The following STIM1 variants were observed in gnomAD, a reference collection of about 807,000 sequenced individuals.
The protein encoded by STIM1 is stromal interaction molecule 1.
STIM1 carries 25 observed loss-of-function variants against 74.7 expected under a neutral mutation model. The observed-to-expected ratio is 0.33, with a 90% CI of 0.24 to 0.47. The LOEUF (loss-of-function observed/expected upper bound fraction) is 0.47. Ranked by LOEUF, STIM1 falls within the 20% of genes least tolerant of loss-of-function variation. The probability of loss-of-function intolerance (pLI) is 1.00; values close to 1 mark genes in which losing one functional copy is unlikely to be tolerated. For synonymous variants in STIM1, 328 were observed against 348.8 expected (o/e 0.94, Z 0.66); for missense variants, 728 against 920.8 (o/e 0.79, Z 2.71).
At chr11:3,905,129 G>C (rs1299049946) in intron 1 of STIM1, among the ~76,000 whole-genome samples, 1 of 152,032 alleles carries the variant, frequency 6.6e-6, no homozygotes, top group Non-Finnish European at 1.5e-5. Context: ...GAAAGCAATA[G>C]TGTCTGTTGC....
intron 1 of STIM1, among the ~76,000 whole-genome samples, chr11:3,866,532 T>C (rs1203743988): frequency 6.6e-6 from 1 of 151,856 alleles, no homozygotes; most frequent in Non-Finnish European, 1.5e-5. Flanking sequence ...GTTCCGGTGA[T>C]TCTCCTGCAT....
At chr11:3,891,485 A>C (rs1420934452) in intron 1 of STIM1, among the ~76,000 whole-genome samples, 1 of 152,024 alleles carries the variant, frequency 6.6e-6, no homozygotes, top group African/African-American at 2.4e-5. Flanking sequence ...GGGTTTCAAC[A>C]TGTTGGCCAG....
intron 1 of STIM1, among the ~76,000 whole-genome samples, chr11:3,930,905 A>G (rs2092851740): frequency 1.3e-5 from 2 of 152,200 alleles, no homozygotes; most frequent in African/African-American, 2.4e-5. Flanking sequence ...CATGTATTCA[A>G]TCATTCTTTT....
chr11:3,932,312 G>T (rs2135564711), intron 1 of STIM1, among the ~76,000 whole-genome samples: 1 of 152,296 alleles, frequency 6.6e-6, no homozygotes, highest in African/African-American at 2.4e-5. Flanking sequence ...GGCCTTTGGT[G>T]GGTGATTAGG....
chr11:4,091,175 C>A, intron 12 of STIM1, 107 bp from the exon 13 acceptor site: 1 of 1,519,032 alleles, frequency 6.6e-7, no homozygotes, highest in African/African-American at 1.4e-5. Context: ...CCCCATTTTC[C>A]TACCCTGTCC....
chr11:3,928,238 T>C (rs551265371), intron 1 of STIM1, among the ~76,000 whole-genome samples: 1 of 152,174 alleles, frequency 6.6e-6, no homozygotes, highest in African/African-American at 2.4e-5. Context: ...TTTTTTTTTT[T>C]TTTTTGAGAC....
Position 4,070,191 on chromosome 11 carries a change from ACCTTCAGGAAAGGTAAGGCCTGCC to A in STIM1, c.791+3_791+26del, listed in dbSNP as rs763078838. On this transcript the variant is annotated splice_donor_variant and splice_donor_5th_base_variant and coding_sequence_variant and intron_variant, in exon 6 of 13. Coordinates refer to ENST00000526596, the MANE Select transcript of STIM1 (RefSeq NM_001382567.1). LOFTEE classifies it high-confidence loss of function. ...CACCGAGCTGAGCAGAGTCTGCATG[ACCTTCAGGAAAGGTAAGGCCTGCC>A]CCTTCAGGAAAGGTGAGGCCCTGCC... is the stretch of plus-strand genomic sequence containing the variant. 6.2e-7 allele frequency: 1 copy of A among 1,614,000 alleles called. No homozygotes were observed. Among genetic ancestry groups the A allele is most frequent in the South Asian group, 1.1e-5 (1 of 91,074 alleles).
At chr11:4,028,492 T>G (rs2094018098) in intron 3 of STIM1, among the ~76,000 whole-genome samples, 1 of 150,370 alleles carries the variant, frequency 6.7e-6, no homozygotes, top group South Asian at 2.1e-4. Context: ...CACTGCAACC[T>G]CTGCCTTCCA....
chr11:4,072,796 A>G (rs1213290777), intron 6 of STIM1, among the ~76,000 whole-genome samples: 1 of 152,212 alleles, frequency 6.6e-6, no homozygotes, highest in Non-Finnish European at 1.5e-5. Context: ...GTCATGGAAG[A>G]GTACAGTAAA....
intron 7 of STIM1, among the ~76,000 whole-genome samples, chr11:4,079,176 A>G (rs1590694825): frequency 6.6e-6 from 1 of 152,064 alleles, no homozygotes; most frequent in African/African-American, 2.4e-5. Flanking sequence ...CTGTAATCCC[A>G]GCTACTTGGG....
At chr11:4,079,539 A>T (rs2094454300) in intron 7 of STIM1, among the ~76,000 whole-genome samples, 3 of 152,002 alleles carry the variant, frequency 2.0e-5, no homozygotes, top group African/African-American at 7.3e-5. Context: ...ACATCACTGC[A>T]CTCCAGCCTG....
At chr11:3,922,668 C>T (rs567193208) in intron 1 of STIM1, 40 of 193,252 alleles carry the variant, frequency 2.1e-4, no homozygotes, top group African/African-American at 8.2e-4. Flanking sequence ...CCAGCTTGCT[C>T]GGTAGCTGGT....
chr11:4,086,593 C>T (rs199985119), intron 12 of STIM1, 50 bp downstream of exon 12: 22 of 1,610,848 alleles, frequency 1.4e-5, no homozygotes, highest in South Asian at 7.7e-5. Flanking sequence ...GGTATCTCTG[C>T]GGCGAATGCG....
intron 2 of STIM1, among the ~76,000 whole-genome samples, chr11:3,976,957 G>A (rs1264098849): frequency 6.6e-6 from 1 of 152,062 alleles, no homozygotes; most frequent in Non-Finnish European, 1.5e-5. Flanking sequence ...GCCACACCCA[G>A]CTAATTTTTG....
At chr11:4,006,727 T>C (rs1028913914) in intron 2 of STIM1, among the ~76,000 whole-genome samples, 1 of 152,174 alleles carries the variant, frequency 6.6e-6, no homozygotes, top group Non-Finnish European at 1.5e-5. Context: ...GGTATTTCTT[T>C]ATAGCAATGT....
chr11:3,907,427 A>G (rs925529472), intron 1 of STIM1, among the ~76,000 whole-genome samples: 3 of 152,216 alleles, frequency 2.0e-5, no homozygotes, highest in African/African-American at 4.8e-5. Flanking sequence ...TTTCACTTAC[A>G]TGGAATCTGT....
chr11:4,027,862 G>A (rs1299301677), intron 3 of STIM1, among the ~76,000 whole-genome samples: 2 of 152,036 alleles, frequency 1.3e-5, no homozygotes, highest in Admixed American at 1.3e-4. Flanking sequence ...AGGGTGGCTG[G>A]GTAGTTTTGT....
At chr11:3,885,691 A>G (rs2091678749) in intron 1 of STIM1, among the ~76,000 whole-genome samples, 1 of 151,886 alleles carries the variant, frequency 6.6e-6, no homozygotes. Flanking sequence ...AGGCTGAAAT[A>G]TGGTGGCACA....
chr11:3,910,101 A>C (rs2092537058), intron 1 of STIM1, among the ~76,000 whole-genome samples: 1 of 152,166 alleles, frequency 6.6e-6, no homozygotes, highest in South Asian at 2.1e-4. Flanking sequence ...TGTTTAGGAG[A>C]TAAGGCTAGG....
Sources: gnomAD v4.1 joint callset for allele counts (sites outside exome capture counted in the v4.1 genomes callset) on GRCh38, gnomAD v4.1.1 for gene constraint, MANE v1.5 for transcripts, NCBI Gene and HGNC (gene_info 2026-07-23, HGNC 2026-07-21) for gene names.